The following TCN2 variants were observed in gnomAD, a reference collection of about 807,000 sequenced individuals.
TCN2 encodes transcobalamin-2.
In TCN2, 34 loss-of-function variants were observed where a neutral mutation model predicts 48.6. The observed-to-expected ratio is 0.70, with a 90% confidence interval of 0.53 to 0.93. The LOEUF (loss-of-function observed/expected upper bound fraction) is 0.93. Ranked by LOEUF, TCN2 falls within the 40% of genes least tolerant of loss-of-function variation. The pLI, the probability that TCN2 is intolerant of heterozygous loss-of-function variation, is 0.00. For missense variants in TCN2, 652 were observed against 526.1 expected, an observed-to-expected ratio of 1.24 and a Z score of -2.34; for synonymous variants, 283 against 212.5, an observed-to-expected ratio of 1.33 and a Z score of -2.89.
intron 8 of TCN2, among the ~76,000 whole-genome samples, chr22:30,623,761 T>TAC (rs1254344797): frequency 0.078 from 2,830 of 36,086 alleles, 784 homozygotes; most frequent in Middle Eastern, 0.15. Flanking sequence ...TATATATGTA[T>TAC]ATATATATAC....
Position 30,612,866 on chromosome 22 carries a change from G to GT in TCN2, c.258-6dup. ...TCTCACAAAGGCATTAACTGGCCTT[G>GT]TCCTAGGTCTGCCTTCAGCGAGGAT... On this transcript the variant is annotated splice_polypyrimidine_tract_variant and splice_region_variant and intron_variant, in intron 2 of 8. Transcript: ENST00000215838. The GT allele has an allele frequency of 6.2e-7, 1 of 1,613,180 alleles. No homozygotes were observed. Among genetic ancestry groups the GT allele is most frequent in the Non-Finnish European group, 8.5e-7 (1 of 1,179,992 alleles).
rs1569046782 is a variant in TCN2 at position 30,623,905 on chromosome 22, T to TATATACACACACATATATATGTATAC, written c.1222+827_1222+828insCACACACATATATATGTATACATATA. On this transcript the variant is annotated intron_variant, in intron 8 of 8. Transcript: ENST00000215838. ...ATATACACACATATATATGTATACA[T>TATATACACACACATATATATGTATAC]ATATATACACACATATATATGTATA... is the stretch of plus-strand genomic sequence containing the variant. Among the ~76,000 whole-genome samples the TATATACACACACATATATATGTATAC allele has an allele frequency of 2.5e-4, 6 of 23,630 alleles. 2 individuals are homozygous for TATATACACACACATATATATGTATAC. The highest frequency in any genetic ancestry group is 4.5e-4 in the Non-Finnish European group (6 of 13,328). The allele number at this position is 23,630 out of a possible 152,430, so 15.5% of individuals were successfully genotyped here. A position where few individuals can be genotyped will look rare whatever the true frequency, so the allele number is the denominator to read the frequency against.
rs528198719 is a variant in TCN2 at position 30,623,703 on chromosome 22, T to C, written c.1222+620T>C. ...TATGTGTATACATATATATGAAATA[T>C]ATATATATACAGACACACATATATA... On this transcript the variant is annotated intron_variant, in intron 8 of 8. Transcript: ENST00000215838. 5.0e-3 allele frequency among the ~76,000 whole-genome samples: 697 copies of C among 139,468 alleles called. 9 individuals carry two copies. The highest frequency in any genetic ancestry group is 0.025 in the South Asian group (117 of 4,618). 91.5% of individuals were successfully genotyped at this position (139,468 alleles called of 152,430 possible). A position where few individuals can be genotyped will look rare whatever the true frequency, so the allele number is the denominator to read the frequency against.
At chr22:30,624,247 T>C (rs1288514653) in intron 8 of TCN2, among the ~76,000 whole-genome samples, 1 of 151,640 alleles carries the variant, frequency 6.6e-6, no homozygotes, top group African/African-American at 2.4e-5. Flanking sequence ...GTTATTTTTG[T>C]ATTTTTAGTA....
In TCN2 at chr22:30,617,373, GATC is replaced by G. The variant is rs1439180387; in HGVS notation, c.989_991del (p.Ile330del). On this transcript the variant is annotated inframe_deletion, in exon 7 of 9. Transcript: ENST00000215838. ...CTGAGACCATTCCTCAGACCCAAGA[GATC>G]ATCAGTGTCACGCTGCAGGTGCTTA... is the stretch of plus-strand genomic sequence containing the variant. 1.2e-6 allele frequency: 2 copies of G among 1,614,062 alleles called. No individual in the cohort carries two copies. The highest frequency in any genetic ancestry group is 2.7e-5 in the African/African-American group (2 of 74,908).
chr22:30,612,475 G>T (rs145097815), intron 2 of TCN2, among the ~76,000 whole-genome samples: 2,665 of 152,170 alleles, frequency 0.018, 38 homozygotes, highest in Non-Finnish European at 0.02. Context: ...GCTTGAACTC[G>T]GGAGGCGGAG....
At position 30,615,798 on chromosome 22, in the gene TCN2, T is replaced by A. The variant is rs202139921; in HGVS notation, c.940+11T>A. On this transcript the variant is annotated intron_variant, in intron 6 of 8. Coordinates refer to ENST00000215838, the MANE Select transcript of TCN2 (RefSeq NM_000355.4). The stretch of plus-strand genomic sequence containing the variant: ...GTCTGGCACCACGAGGTAGCCCAAC[T>A]TTTTGTGGAAGCACAGCCCTTTACA... 1 of 1,614,032 alleles carries A rather than the reference T, an allele frequency of 6.2e-7. No individual in the cohort carries two copies. The highest frequency in any genetic ancestry group is 8.5e-7 in the Non-Finnish European group (1 of 1,180,008).
chr22:30,614,664 A>C (rs958573510), intron 4 of TCN2, among the ~76,000 whole-genome samples, 163 bp downstream of exon 4: 7 of 152,204 alleles, frequency 4.6e-5, no homozygotes, highest in Admixed American at 4.6e-4. Flanking sequence ...GTGATGCTTC[A>C]GCTGTGAGCC....
Position 30,607,390 on chromosome 22 carries a change from T to A in TCN2, c.59T>A (p.Met20Lys), listed in dbSNP as rs752210008. ...GGGGTCCTGGGGGCCCTCACTGAGA[T>A]GTGTGGTGAGTAACTCGCCTCTATC... ...LLGVLGALTE[M>K]CEIPEMDSHL... is the part of the protein sequence containing the mutation. Residue 20 changes from methionine (M) to lysine (K), a missense_variant, in exon 1 of 9, where the codon ATG becomes AAG. Transcript: ENST00000215838. 1.9e-6 allele frequency: 3 copies of A among 1,614,104 alleles called. No homozygotes were observed. The highest frequency in any genetic ancestry group is 2.5e-6 in the Non-Finnish European group (3 of 1,180,010).
At chr22:30,622,922 G>A in intron 7 of TCN2, 46 bp from the exon 8 acceptor site, 1 of 1,598,636 alleles carries the variant, frequency 6.3e-7, no homozygotes, top group South Asian at 1.1e-5. Flanking sequence ...TCCCCTTAGG[G>A]ACAACAGCCA....
intron 8 of TCN2, among the ~76,000 whole-genome samples, chr22:30,625,484 A>G (rs947609629): frequency 1.3e-5 from 2 of 150,418 alleles, no homozygotes; most frequent in African/African-American, 2.4e-5. Flanking sequence ...TTTTTTTGAG[A>G]TGGGGGTCTC....
chr22:30,626,474 A>G lies in TCN2; in HGVS notation c.1237A>G (p.Arg413Gly), dbSNP rs148963479. 1,539 of 1,614,152 alleles carry G rather than the reference A, an allele frequency of 9.5e-4. 3 individuals are homozygous for G. Among genetic ancestry groups the G allele is most frequent in the South Asian group, 1.4e-3 (126 of 91,088 alleles). Residue 413 changes from arginine (R) to glycine (G), a missense_variant, in exon 9 of 9, where the codon AGA (arginine) becomes GGA (glycine). Coordinates refer to ENST00000215838, the MANE Select transcript of TCN2 (RefSeq NM_000355.4). ...TGTTTCTGCAGGTATTGCTGACTAC[A>G]GACCCAAGGATGGAGAAACCATTGA... ...TPLLQGIADY[R>G]PKDGETIELR...
intron 3 of TCN2, 118 bp downstream of exon 3, chr22:30,613,160 T>C: frequency 7.1e-7 from 1 of 1,405,250 alleles, no homozygotes; most frequent in Non-Finnish European, 9.7e-7. Flanking sequence ...CACCATCCAT[T>C]CTGCCCATCT....
At chr22:30,607,514 C>A in intron 1 of TCN2, 119 bp downstream of exon 1, 1 of 1,043,170 alleles carries the variant, frequency 9.6e-7, no homozygotes, top group Non-Finnish European at 1.4e-6. Flanking sequence ...TTGGGCTTAG[C>A]TGGACCTCAG....
chr22:30,622,725 C>T (rs913973493), intron 7 of TCN2, among the ~76,000 whole-genome samples: 2 of 152,212 alleles, frequency 1.3e-5, no homozygotes, highest in Non-Finnish European at 2.9e-5. Flanking sequence ...ATGCCCCTTT[C>T]CTGGAGGCCA....
intron 1 of TCN2, among the ~76,000 whole-genome samples, chr22:30,610,526 G>A (rs572169406): frequency 6.6e-6 from 1 of 152,194 alleles, no homozygotes; most frequent in Non-Finnish European, 1.5e-5. Flanking sequence ...TACATCACAG[G>A]ACTGGCATGA....
chr22:30,607,851 A>AC (rs2087476195), intron 1 of TCN2, among the ~76,000 whole-genome samples: 1 of 151,944 alleles, frequency 6.6e-6, no homozygotes, highest in African/African-American at 2.4e-5. Context: ...ACATAGGGAG[A>AC]CCCCATCTCT....
chr22:30,616,538 T>C, intron 6 of TCN2, among the ~76,000 whole-genome samples: 1 of 148,086 alleles, frequency 6.8e-6, no homozygotes, highest in East Asian at 2.0e-4. Context: ...TGGTGGCTCG[T>C]GCTTATAATC....
rs536289746 is a variant in TCN2, at chr22:30,607,689, C to T, written c.64+294C>T. On this transcript the variant is annotated intron_variant, in intron 1 of 8. Coordinates refer to ENST00000215838, the MANE Select transcript of TCN2 (RefSeq NM_000355.4). ...GGAACGTGCAAAGCATGAGACAAGT[C>T]TAATCCCTGCCATCCTAGAGCTTAT... Among the ~76,000 whole-genome samples the T allele has an allele frequency of 1.7e-4, 26 of 152,230 alleles. 1 individual carries two copies. In the East Asian group the frequency reaches 4.8e-3, roughly 28 times the overall value.
Sources: gnomAD v4.1 joint callset for allele counts (sites outside exome capture counted in the v4.1 genomes callset) on GRCh38, gnomAD v4.1.1 for gene constraint, MANE v1.5 for transcripts, NCBI Gene and HGNC (gene_info 2026-07-23, HGNC 2026-07-21) for gene names.